MOXD1: variants seen among roughly 807,000 people sequenced by gnomAD.
MOXD1 encodes monooxygenase DBH like 1.
Under a neutral mutation model 66.6 loss-of-function variants are expected in MOXD1, and 62 were observed. That is an observed-to-expected ratio of 0.93 (90% CI 0.76 to 1.15). MOXD1 has a LOEUF of 1.15. MOXD1 is among the 50% of genes most tolerant of loss of function. MOXD1 has a pLI of 0.00. For synonymous variants in MOXD1, 303 were observed against 281.9 expected (o/e 1.07, Z -0.75); for missense variants, 847 against 754.6 (o/e 1.12, Z -1.44).
rs186260660 is a variant in MOXD1, at chr6:132,329,317, C to T, written c.664-723G>A. Among the ~76,000 whole-genome samples, 58 of 152,288 alleles carry T rather than the reference C, an allele frequency of 3.8e-4. No homozygotes were observed. In the East Asian group the frequency reaches 0.01, roughly 26 times the overall value. On this transcript the variant is annotated intron_variant, in intron 4 of 11. Transcript: ENST00000367963. ...AACACGAACTCATCCGTTTTTATGGCTGCATAGTATTCCATGGTGTATATG... is the reference window on the plus strand; with the variant it reads ...AACACGAACTCATCCGTTTTTATGGTTGCATAGTATTCCATGGTGTATATG...
At chr6:132,386,429 A>AAAC (rs1554238101) in intron 1 of MOXD1, among the ~76,000 whole-genome samples, 2 of 118,086 alleles carry the variant, frequency 1.7e-5, no homozygotes, top group African/African-American at 7.0e-5. Context: ...AAAACAAAAC[A>AAAC]AAACAAAAAA....
chr6:132,359,825 A>C (rs1462255791), intron 4 of MOXD1, among the ~76,000 whole-genome samples: 2 of 152,220 alleles, frequency 1.3e-5, no homozygotes, highest in Non-Finnish European at 2.9e-5. Flanking sequence ...AAAGCCACAC[A>C]GGAGTAATAC....
chr6:132,299,912 C>A (rs1586046753), intron 10 of MOXD1, among the ~76,000 whole-genome samples: 3 of 151,764 alleles, frequency 2.0e-5, no homozygotes, highest in Middle Eastern at 3.4e-3. Flanking sequence ...CTCTCTCTCT[C>A]TTAACATACA....
intron 10 of MOXD1, among the ~76,000 whole-genome samples, chr6:132,298,289 G>A (rs187982992): frequency 8.5e-5 from 13 of 152,216 alleles, no homozygotes; most frequent in African/African-American, 2.6e-4. Context: ...TCAAAGTGCT[G>A]GGATTATAGG....
intron 4 of MOXD1, among the ~76,000 whole-genome samples, chr6:132,329,852 G>A (rs561740389): frequency 6.6e-6 from 1 of 151,982 alleles, no homozygotes; most frequent in African/African-American, 2.4e-5. Context: ...TTAGAATTTG[G>A]AAGAGAAAAA....
At chr6:132,312,633 G>A (rs1219516010) in intron 10 of MOXD1, among the ~76,000 whole-genome samples, 1 of 149,452 alleles carries the variant, frequency 6.7e-6, no homozygotes, top group Non-Finnish European at 1.5e-5. Context: ...TTTGGCAGGG[G>A]AGAATGACAT....
chr6:132,313,775 C>T (rs1001798521), intron 10 of MOXD1, among the ~76,000 whole-genome samples: 4 of 152,000 alleles, frequency 2.6e-5, no homozygotes, highest in Admixed American at 1.3e-4. Flanking sequence ...ATTAGCTGGG[C>T]GTGGTGGCGA....
chr6:132,309,207 G>T (rs1369136501), intron 10 of MOXD1, among the ~76,000 whole-genome samples: 13 of 152,076 alleles, frequency 8.5e-5, no homozygotes. Context: ...AAAATCACAA[G>T]CATTCCTTTA....
At chr6:132,312,338 C>T (rs1312554620) in intron 10 of MOXD1, among the ~76,000 whole-genome samples, 4 of 151,972 alleles carry the variant, frequency 2.6e-5, no homozygotes, top group Non-Finnish European at 4.4e-5. Context: ...ATATGATATT[C>T]CTTTTTAGTA....
intron 4 of MOXD1, among the ~76,000 whole-genome samples, chr6:132,355,842 AC>A (rs1295252630): frequency 6.6e-6 from 1 of 152,234 alleles, no homozygotes; most frequent in Non-Finnish European, 1.5e-5. Context: ...GGTTTGGTTC[AC>A]AGAAATAGCT....
chr6:132,323,837 A>G, intron 7 of MOXD1, 94 bp downstream of exon 7: 9 of 1,317,832 alleles, frequency 6.8e-6, no homozygotes, highest in Non-Finnish European at 9.2e-6. Flanking sequence ...CAAGAAAGGA[A>G]TCGATAATAA....
intron 1 of MOXD1, among the ~76,000 whole-genome samples, chr6:132,375,869 T>C (rs1054606659): frequency 5.9e-5 from 9 of 152,172 alleles, no homozygotes; most frequent in Non-Finnish European, 1.3e-4. Flanking sequence ...AGTTTTAACA[T>C]TACTAAAATG....
intron 1 of MOXD1, among the ~76,000 whole-genome samples, chr6:132,380,159 T>C (rs1776480117): frequency 6.6e-6 from 1 of 152,244 alleles, no homozygotes; most frequent in African/African-American, 2.4e-5. Context: ...CTATTTCATT[T>C]TCACTGTTCC....
intron 1 of MOXD1, chr6:132,392,379 A>G (rs2114694937): frequency 6.6e-7 from 1 of 1,511,420 alleles, no homozygotes; most frequent in Non-Finnish European, 8.8e-7. Flanking sequence ...ATCAATTTTC[A>G]TGCAAATTCA....
At chr6:132,388,090 G>A (rs896342934) in intron 1 of MOXD1, among the ~76,000 whole-genome samples, 1 of 151,312 alleles carries the variant, frequency 6.6e-6, no homozygotes, top group Non-Finnish European at 1.5e-5. Flanking sequence ...TATATTTAGT[G>A]GAGACCTTTC....
chr6:132,369,809 G>A (rs1440289589), intron 4 of MOXD1, among the ~76,000 whole-genome samples: 1 of 152,040 alleles, frequency 6.6e-6, no homozygotes, highest in Non-Finnish European at 1.5e-5. Context: ...AAAATGGCAT[G>A]CAACTTAAAA....
At chr6:132,299,592 T>A (rs997502109) in intron 10 of MOXD1, among the ~76,000 whole-genome samples, 1 of 152,006 alleles carries the variant, frequency 6.6e-6, no homozygotes, top group Non-Finnish European at 1.5e-5. Flanking sequence ...AAAAGTGAAG[T>A]GAAAAAGTGA....
chr6:132,354,402 G>T (rs1404151559), intron 4 of MOXD1, among the ~76,000 whole-genome samples: 1 of 152,156 alleles, frequency 6.6e-6, no homozygotes, highest in Non-Finnish European at 1.5e-5. Flanking sequence ...TGTGAGATAA[G>T]CTGCAGTGAT....
intron 6 of MOXD1, among the ~76,000 whole-genome samples, chr6:132,326,746 T>G (rs1296974457): frequency 6.6e-6 from 1 of 152,200 alleles, no homozygotes; most frequent in Non-Finnish European, 1.5e-5. Context: ...GGGTGGAAAT[T>G]AAAGTGAATT....
Sources: allele counts gnomAD v4.1 joint callset (sites outside exome capture counted in the v4.1 genomes callset), GRCh38; gene constraint gnomAD v4.1.1; transcripts MANE v1.5; gene names NCBI Gene and HGNC (gene_info 2026-07-23, HGNC 2026-07-21).